Variants in COP1 observed in about 807,000 individuals in gnomAD.
COP1 encodes the protein COP1 E3 ubiquitin ligase, also known as E3 ubiquitin-protein ligase COP1.
In COP1, 24 loss-of-function variants were observed where a neutral mutation model predicts 101.3. The ratio of observed to expected loss-of-function variants is 0.24; its 90% CI spans 0.17 to 0.33. The LOEUF (loss-of-function observed/expected upper bound fraction) is 0.33, where lower values mean the gene tolerates loss of function less well. Ranked by LOEUF, COP1 falls within the 10% of genes least tolerant of loss-of-function variation. COP1 has a pLI of 1.00. For synonymous variants in COP1, 347 were observed against 341.9 expected, an observed-to-expected ratio of 1.01 and a Z score of -0.17; for missense variants, 663 against 906.2, an observed-to-expected ratio of 0.73 and a Z score of 3.45.
intron 15 of COP1, among the ~76,000 whole-genome samples, chr1:175,998,428 T>A (rs151157847): frequency 1.3e-3 from 191 of 148,452 alleles, no homozygotes; most frequent in African/African-American, 4.4e-3. Context: ...AACCTGCACA[T>A]TGTGCACATG....
intron 5 of COP1, among the ~76,000 whole-genome samples, chr1:176,151,292 GAGAA>G (rs573324339): frequency 0.01 from 1,240 of 123,826 alleles, 9 homozygotes; most frequent in South Asian, 0.034. Flanking sequence ...GAAGGAAGGA[GAGAA>G]AGAAAGAAAG....
chr1:176,012,124 C>T (rs1289554928), intron 15 of COP1, among the ~76,000 whole-genome samples: 1 of 152,196 alleles, frequency 6.6e-6, no homozygotes, highest in Admixed American at 6.5e-5. Flanking sequence ...TTTGAAGCTG[C>T]AGTGTGTTAA....
intron 11 of COP1, among the ~76,000 whole-genome samples, chr1:176,065,760 T>G (rs1454137140): frequency 6.9e-6 from 1 of 144,982 alleles, no homozygotes; most frequent in African/African-American, 2.6e-5. Context: ...TAGGTTGGAG[T>G]GCAGTGGCGC....
At chr1:176,175,709 A>AT (rs1375371379) in intron 3 of COP1, among the ~76,000 whole-genome samples, 3 of 152,196 alleles carry the variant, frequency 2.0e-5, no homozygotes, top group Non-Finnish European at 4.4e-5. Context: ...AGTTTTATGA[A>AT]TTTTTTAATA....
rs924468765 is a variant in COP1, at chr1:175,972,232, G to A, written c.2133+14711C>T. On this transcript the variant is annotated intron_variant, in intron 18 of 19. Transcript: ENST00000367669. ...TTTAAAATTTTAATTCCTATCCCAA[G>A]TAACTAATAATTCTAAAGCAGGTGA... Among the ~76,000 whole-genome samples, 3 of 152,086 alleles carry A rather than the reference G, an allele frequency of 2.0e-5. No homozygotes were observed. The South Asian group carries it at 6.2e-4, about 31-fold the overall frequency.
At chr1:176,058,173 C>T (rs1438330793) in intron 11 of COP1, among the ~76,000 whole-genome samples, 1 of 29,176 alleles carries the variant, frequency 3.4e-5, no homozygotes, top group African/African-American at 6.3e-5. Context: ...AGCCGCCCCG[C>T]CCGGTAGGGA....
chr1:176,123,504 G>A (rs1408868230), intron 8 of COP1, among the ~76,000 whole-genome samples: 1 of 152,022 alleles, frequency 6.6e-6, no homozygotes, highest in Admixed American at 6.6e-5. Context: ...ACTCTAACCT[G>A]AAAGGACAAA....
At chr1:176,040,033 G>A (rs940600809) in intron 14 of COP1, among the ~76,000 whole-genome samples, 3 of 152,002 alleles carry the variant, frequency 2.0e-5, no homozygotes, top group African/African-American at 7.3e-5. Flanking sequence ...ACTGGATTTG[G>A]CAATGATTTC....
chr1:176,097,063 T>C (rs1041514408), intron 9 of COP1, among the ~76,000 whole-genome samples: 1 of 152,224 alleles, frequency 6.6e-6, no homozygotes, highest in Non-Finnish European at 1.5e-5. Flanking sequence ...TTAGTAAAGT[T>C]TGAAAGCCAG....
chr1:176,114,518 A>C (rs901496269), intron 9 of COP1, among the ~76,000 whole-genome samples: 1 of 151,624 alleles, frequency 6.6e-6, no homozygotes, highest in African/African-American at 2.4e-5. Flanking sequence ...TATACAAATA[A>C]ATGTTCATTA....
intron 15 of COP1, among the ~76,000 whole-genome samples, chr1:176,022,290 T>C (rs1244442751): frequency 2.0e-5 from 3 of 152,222 alleles, no homozygotes; most frequent in Non-Finnish European, 4.4e-5. Context: ...GATGCCTCAC[T>C]TCCCTGGTAG....
chr1:176,015,653 A>G (rs1472280847), intron 15 of COP1, among the ~76,000 whole-genome samples: 2 of 152,218 alleles, frequency 1.3e-5, no homozygotes, highest in Non-Finnish European at 2.9e-5. Context: ...TGAACTAGAG[A>G]TAACTCAATT....
intron 18 of COP1, among the ~76,000 whole-genome samples, chr1:175,947,610 T>A (rs909386912): frequency 2.6e-5 from 4 of 152,162 alleles, no homozygotes; most frequent in African/African-American, 9.7e-5. Context: ...CCTCAGGTGA[T>A]CTGCCCACCT....
intron 11 of COP1, among the ~76,000 whole-genome samples, chr1:176,054,682 T>C (rs1022546165): frequency 3.9e-5 from 6 of 152,186 alleles, no homozygotes; most frequent in East Asian, 1.9e-4. Context: ...TACTCAAGGA[T>C]TGTTTCCTAA....
intron 9 of COP1, among the ~76,000 whole-genome samples, chr1:176,099,538 TCTCC>T (rs1683013561): frequency 7.8e-6 from 1 of 127,854 alleles, no homozygotes; most frequent in East Asian, 2.3e-4. Flanking sequence ...TCTCTCTCTC[TCTCC>T]CTGGCTTCTC....
rs184675215 is a variant in COP1 at position 176,090,925 on chromosome 1, A to T, written c.1027-5035T>A. ...TTCCGATCAAGTGAGATAATTAAAA[A>T]GAAACCCACAGTTAGACACACTAAG... On this transcript the variant is annotated intron_variant, in intron 9 of 19. Coordinates refer to ENST00000367669, the MANE Select transcript of COP1 (RefSeq NM_022457.7). Among the ~76,000 whole-genome samples the T allele has an allele frequency of 1.2e-4, 19 of 152,352 alleles. No homozygotes were observed. The East Asian group carries it at 3.7e-3, about 29-fold the overall frequency.
intron 18 of COP1, 94 bp from the exon 19 acceptor site, chr1:175,947,333 C>A: frequency 6.2e-6 from 5 of 807,096 alleles, no homozygotes; most frequent in African/African-American, 1.7e-5. Context: ...TTCTTCACTT[C>A]AATTCCTAAG....
At position 176,144,926 on chromosome 1, in the gene COP1, T is replaced by C. The variant is rs116592593; in HGVS notation, c.831+4080A>G. ...ATAAAGCTTCAAATAAAGAACAGCA[T>C]AGAAAAATGTCTTCATGACCACAGG... On this transcript the variant is annotated intron_variant, in intron 6 of 19. Coordinates refer to ENST00000367669, the MANE Select transcript of COP1 (RefSeq NM_022457.7). Among the ~76,000 whole-genome samples the C allele has an allele frequency of 6.1e-3, 930 of 152,234 alleles. 12 individuals carry two copies. The highest frequency in any genetic ancestry group is 0.021 in the African/African-American group (885 of 41,560).
At chr1:175,978,789 G>A (rs1208519785) in intron 18 of COP1, among the ~76,000 whole-genome samples, 2 of 152,160 alleles carry the variant, frequency 1.3e-5, no homozygotes, top group African/African-American at 4.8e-5. Flanking sequence ...AGAGTTGAAG[G>A]AAGACAGAAA....
Sources: gnomAD v4.1 joint callset for allele counts (sites outside exome capture counted in the v4.1 genomes callset) on GRCh38, gnomAD v4.1.1 for gene constraint, MANE v1.5 for transcripts, NCBI Gene and HGNC (gene_info 2026-07-23, HGNC 2026-07-21) for gene names.